The following GRIK1 variants were observed in gnomAD, a reference collection of about 807,000 sequenced individuals.
GRIK1 encodes the protein glutamate receptor ionotropic, kainate 1.
GRIK1 carries 69 observed loss-of-function variants against 105.7 expected under a neutral mutation model. That is an observed-to-expected ratio of 0.65 (90% CI 0.54 to 0.80). The LOEUF (loss-of-function observed/expected upper bound fraction) is 0.80, where lower values mean the gene tolerates loss of function less well. Among genes scored for constraint, GRIK1 ranks in the 30% least tolerant of loss-of-function variants. GRIK1 has a pLI of 0.00. For synonymous variants in GRIK1, 438 were observed against 431.3 expected, an observed-to-expected ratio of 1.02 and a Z score of -0.19; for missense variants, 1,109 against 1,167.3, an observed-to-expected ratio of 0.95 and a Z score of 0.73.
chr21:29,587,254 A>C (rs1467484099), intron 12 of GRIK1, 112 bp downstream of exon 12: 3 of 620,800 alleles, frequency 4.8e-6, no homozygotes, highest in Non-Finnish European at 8.6e-6. Flanking sequence ...ATAGAACACT[A>C]GGCAAAACTA....
At chr21:29,843,012 T>C (rs1046658297) in intron 1 of GRIK1, among the ~76,000 whole-genome samples, 1 of 152,242 alleles carries the variant, frequency 6.6e-6, no homozygotes, top group Non-Finnish European at 1.5e-5. Context: ...ATTATTTGTT[T>C]ACCTTCTTTT....
intron 1 of GRIK1, among the ~76,000 whole-genome samples, chr21:29,747,519 T>G (rs920412472): frequency 2.8e-5 from 1 of 36,142 alleles, no homozygotes; most frequent in African/African-American, 4.3e-5. Context: ...AAAGATAGTA[T>G]CAGTTGTTGA....
At chr21:29,894,974 C>T (rs562801995) in intron 1 of GRIK1, among the ~76,000 whole-genome samples, 5 of 152,088 alleles carry the variant, frequency 3.3e-5, no homozygotes, top group Non-Finnish European at 7.4e-5. Context: ...TTAGAATGAA[C>T]AAATGAATGG....
intron 1 of GRIK1, chr21:29,861,587 G>GA: frequency 2.7e-6 from 1 of 363,876 alleles, no homozygotes; most frequent in Non-Finnish European, 5.4e-6. Context: ...GATTATAGGT[G>GA]TGAGCCAACA....
At chr21:29,571,640 T>G (rs1166595531) in intron 14 of GRIK1, among the ~76,000 whole-genome samples, 1 of 152,214 alleles carries the variant, frequency 6.6e-6, no homozygotes, top group East Asian at 1.9e-4. Flanking sequence ...GCTTGTGGCC[T>G]AGCGACCAAA....
chr21:29,917,389 T>G (rs1241961080), intron 1 of GRIK1, among the ~76,000 whole-genome samples: 1 of 152,020 alleles, frequency 6.6e-6, no homozygotes, highest in Admixed American at 6.6e-5. Context: ...ACTACGGCAT[T>G]AGGGAGAAAG....
intron 1 of GRIK1, among the ~76,000 whole-genome samples, chr21:29,855,012 A>G (rs749281084): frequency 3.9e-5 from 6 of 152,236 alleles, no homozygotes; most frequent in Non-Finnish European, 8.8e-5. Context: ...CATTAGCTGG[A>G]GAACTAAGTC....
At chr21:29,569,075 CTT>C (rs951906291) in intron 14 of GRIK1, among the ~76,000 whole-genome samples, 6 of 152,206 alleles carry the variant, frequency 3.9e-5, no homozygotes, top group African/African-American at 1.4e-4. Context: ...CTCCAAAAAT[CTT>C]TGAGATCTTG....
intron 1 of GRIK1, among the ~76,000 whole-genome samples, chr21:29,753,721 G>A (rs546994506): frequency 6.6e-6 from 1 of 152,234 alleles, no homozygotes; most frequent in South Asian, 2.1e-4. Context: ...CTTTATTAAA[G>A]AAAGCAGTCT....
chr21:29,837,849 A>C (rs570843823), intron 1 of GRIK1, among the ~76,000 whole-genome samples: 26 of 152,296 alleles, frequency 1.7e-4, no homozygotes, highest in African/African-American at 6.3e-4. Context: ...TGGCTTCCAA[A>C]GCCCCGAGTG....
intron 1 of GRIK1, among the ~76,000 whole-genome samples, chr21:29,752,125 T>C (rs774395341): frequency 6.6e-6 from 1 of 152,218 alleles, no homozygotes; most frequent in Non-Finnish European, 1.5e-5. Context: ...TTCAAGAAGA[T>C]GCTGGTTTTT....
At chr21:29,726,974 G>A (rs2064483759) in intron 1 of GRIK1, among the ~76,000 whole-genome samples, 1 of 151,892 alleles carries the variant, frequency 6.6e-6, no homozygotes, top group Non-Finnish European at 1.5e-5. Context: ...CTGTCACCCA[G>A]GTTGCAGTGC....
At chr21:29,667,786 AGGAAT>A (rs1486737849) in intron 4 of GRIK1, among the ~76,000 whole-genome samples, 1 of 152,244 alleles carries the variant, frequency 6.6e-6, no homozygotes, top group African/African-American at 2.4e-5. Flanking sequence ...GAGAACCATT[AGGAAT>A]GGGTGCCTGA....
chr21:29,785,193 A>C (rs9980373), intron 1 of GRIK1, among the ~76,000 whole-genome samples: 20,084 of 152,246 alleles, frequency 0.13, 1,542 homozygotes, highest in African/African-American at 0.2. Context: ...CGTTTTATAA[A>C]TACTCACTGC....
chr21:29,877,210 A>G (rs2069222614), intron 1 of GRIK1, among the ~76,000 whole-genome samples: 1 of 152,120 alleles, frequency 6.6e-6, no homozygotes, highest in African/African-American at 2.4e-5. Flanking sequence ...GCTCCTTTAT[A>G]TTTTATAACT....
chr21:29,649,609 C>T (rs1398593344), intron 6 of GRIK1, among the ~76,000 whole-genome samples: 1 of 152,152 alleles, frequency 6.6e-6, no homozygotes, highest in Non-Finnish European at 1.5e-5. Context: ...ACATGAATTG[C>T]GTAGGTCTGT....
intron 1 of GRIK1, among the ~76,000 whole-genome samples, chr21:29,849,283 G>A (rs2068233325): frequency 6.6e-6 from 1 of 152,118 alleles, no homozygotes; most frequent in Non-Finnish European, 1.5e-5. Flanking sequence ...ATTAATAAAT[G>A]TTTGCTGAAT....
At chr21:29,798,815 T>C (rs16985008) in intron 1 of GRIK1, among the ~76,000 whole-genome samples, 7,282 of 152,212 alleles carry the variant, frequency 0.048, 228 homozygotes, top group Middle Eastern at 0.078. Context: ...TCCTTAAACA[T>C]TGGTGGGTTA....
chr21:29,843,770 G>A (rs1350315206), intron 1 of GRIK1, among the ~76,000 whole-genome samples: 1 of 152,104 alleles, frequency 6.6e-6, no homozygotes, highest in Non-Finnish European at 1.5e-5. Flanking sequence ...TTGGGGAGGG[G>A]GACTAACTGA....
Sources: allele counts gnomAD v4.1 joint callset (sites outside exome capture counted in the v4.1 genomes callset), GRCh38; gene constraint gnomAD v4.1.1; transcripts MANE v1.5; gene names NCBI Gene and HGNC (gene_info 2026-07-23, HGNC 2026-07-21).